The following WDR82 variants were observed in gnomAD, a reference collection of about 807,000 sequenced individuals.
WDR82 encodes WD repeat-containing protein 82.
Under a neutral mutation model 36.1 loss-of-function variants are expected in WDR82, and 8 were observed. The observed-to-expected ratio is 0.22, with a 90% CI of 0.13 to 0.40. The LOEUF (loss-of-function observed/expected upper bound fraction) is 0.40, where lower values mean the gene tolerates loss of function less well. WDR82 is among the 10% of genes least tolerant of loss of function. The pLI, the probability that WDR82 is intolerant of heterozygous loss-of-function variation, is 1.00. For missense variants in WDR82, 185 were observed against 400.5 expected (o/e 0.46, Z 4.59); for synonymous variants, 129 against 137.8 (o/e 0.94, Z 0.45).
At chr3:52,259,631 G>A in intron 6 of WDR82, 86 bp downstream of exon 6, 3 of 1,479,076 alleles carry the variant, frequency 2.0e-6, no homozygotes, top group Non-Finnish European at 1.8e-6. Context: ...AAGAGTAACT[G>A]TTGGTCTCCA....
At chr3:52,269,895 C>G (rs1298995101) in intron 2 of WDR82, among the ~76,000 whole-genome samples, 1 of 152,096 alleles carries the variant, frequency 6.6e-6, no homozygotes, top group African/African-American at 2.4e-5. Context: ...TAGAAAGAAA[C>G]TCACAAGTTC....
At chr3:52,267,315 C>A (rs903171715) in intron 2 of WDR82, 2 of 275,814 alleles carry the variant, frequency 7.3e-6, no homozygotes, top group Non-Finnish European at 1.4e-5. Flanking sequence ...TGCAAATATA[C>A]CCTGGTCAAA....
Position 52,278,324 on chromosome 3 carries a change from AC to A in WDR82, c.37del (p.Val13SerfsTer73). On this transcript the variant is annotated frameshift_variant, in exon 1 of 9. Transcript: ENST00000296490. LOFTEE classifies it high-confidence loss of function. ...LTDSVLRSFR[V>X]AKVFRENSDK... Reference sequence around the variant, plus strand: ...CGAGTTTTCGCGGAACACCTTAGCGACGCGGAAGCTCCGCAACACGCTGTCG... The same window carrying A: ...CGAGTTTTCGCGGAACACCTTAGCGAGCGGAAGCTCCGCAACACGCTGTCG... 1.2e-6 allele frequency: 2 copies of A among 1,600,340 alleles called. No individual in the cohort carries two copies. Among genetic ancestry groups the A allele is most frequent in the Non-Finnish European group, 1.7e-6 (2 of 1,175,088 alleles).
chr3:52,257,174 A>G lies in WDR82; in HGVS notation c.*316T>C, dbSNP rs1303059846. ...TCACCGGCTCCTCAGCAGCATGTAC[A>G]TTCAAATTGAAGATGCTTGAGAGCC... On this transcript the variant is annotated 3_prime_UTR_variant, in exon 9 of 9. Transcript: ENST00000296490. The G allele has an allele frequency of 1.2e-5, 5 of 400,048 alleles. No individual in the cohort carries two copies. Among genetic ancestry groups the G allele is most frequent in the Admixed American group, 8.1e-5 (2 of 24,590 alleles). 24.8% of individuals were successfully genotyped at this position (400,048 alleles called of 1,614,324 possible).
In WDR82 at chr3:52,255,013, A is replaced by T. The variant is rs1435039416; in HGVS notation, c.*2477T>A. ...GCCGGAGTGCAATGGCACGATCTCA[A>T]CTCACCGCAACCTCCGCCTCCTGGG... On this transcript the variant is annotated 3_prime_UTR_variant, in exon 9 of 9. Coordinates refer to ENST00000296490, the MANE Select transcript of WDR82 (RefSeq NM_025222.4). The T allele has an allele frequency of 6.7e-6, 1 of 148,316 alleles. No homozygotes were observed. The highest frequency in any genetic ancestry group is 6.7e-5 in the Admixed American group (1 of 14,928). 9.2% of individuals were successfully genotyped at this position (148,316 alleles called of 1,614,324 possible).
intron 1 of WDR82, among the ~76,000 whole-genome samples, chr3:52,273,334 G>C (rs1329193384): frequency 2.0e-5 from 3 of 151,686 alleles, no homozygotes; most frequent in Non-Finnish European, 2.9e-5. Context: ...GGGAGGCTGA[G>C]GTAGGAGAAT....
intron 3 of WDR82, among the ~76,000 whole-genome samples, chr3:52,265,171 G>A (rs1262390142): frequency 1.3e-5 from 2 of 151,542 alleles, no homozygotes; most frequent in Non-Finnish European, 2.9e-5. Flanking sequence ...TTGGTGGCGG[G>A]TGCCTGTGGT....
At chr3:52,272,625 A>G (rs1234787579) in intron 1 of WDR82, among the ~76,000 whole-genome samples, 1 of 152,320 alleles carries the variant, frequency 6.6e-6, no homozygotes, top group Non-Finnish European at 1.5e-5. Flanking sequence ...TAACTCTCCA[A>G]TACGATCAAC....
chr3:52,278,397 C>T lies in WDR82; in HGVS notation c.-36G>A, dbSNP rs1375124091. 1.6e-5 allele frequency: 21 copies of T among 1,350,944 alleles called. No homozygotes were observed. Among genetic ancestry groups the T allele is most frequent in the Non-Finnish European group, 1.9e-5 (20 of 1,045,678 alleles). The allele number at this position is 1,350,944 out of a possible 1,614,324, so 83.7% of individuals were successfully genotyped here. On this transcript the variant is annotated 5_prime_UTR_variant, in exon 1 of 9. Transcript: ENST00000296490. ...GGGGAAGGCAGCGGCGGCGCAGGGC[C>T]GGGGCGGGGCCCGGCGGCGAGCGGG... is the stretch of plus-strand genomic sequence containing the variant.
chr3:52,264,494 C>T (rs1578007169), intron 3 of WDR82, among the ~76,000 whole-genome samples: 1 of 152,048 alleles, frequency 6.6e-6, no homozygotes, highest in Non-Finnish European at 1.5e-5. Context: ...GCCCCATAGA[C>T]GATTCTGGGA....
intron 3 of WDR82, among the ~76,000 whole-genome samples, chr3:52,262,824 G>A (rs994775645): frequency 3.9e-5 from 6 of 152,188 alleles, no homozygotes; most frequent in Admixed American, 2.6e-4. Flanking sequence ...GAATGCTGAG[G>A]AGGTAATAAA....
At chr3:52,268,460 C>G in intron 2 of WDR82, 1 of 385,284 alleles carries the variant, frequency 2.6e-6, no homozygotes. Flanking sequence ...GGCAGCAAAG[C>G]TACAAGTGCC....
At chr3:52,271,219 C>T (rs1422700593) in intron 1 of WDR82, among the ~76,000 whole-genome samples, 1 of 152,152 alleles carries the variant, frequency 6.6e-6, no homozygotes, top group Non-Finnish European at 1.5e-5. Context: ...TTTTAAATCC[C>T]TTAAACTGTT....
chr3:52,257,608 G>T, intron 8 of WDR82, 89 bp from the exon 9 acceptor site: 1 of 1,550,636 alleles, frequency 6.4e-7, no homozygotes, highest in Non-Finnish European at 8.8e-7. Flanking sequence ...GCAAAAATGT[G>T]CCCAACCCCA....
chr3:52,276,147 G>T (rs1700200863), intron 1 of WDR82, among the ~76,000 whole-genome samples: 1 of 152,076 alleles, frequency 6.6e-6, no homozygotes, highest in Non-Finnish European at 1.5e-5. Flanking sequence ...AACAAGACAG[G>T]ATTTGGCCAG....
intron 2 of WDR82, chr3:52,268,231 G>C (rs1700123106): frequency 2.2e-6 from 1 of 452,772 alleles, no homozygotes; most frequent in African/African-American, 2.0e-5. Context: ...AGATGAGCAG[G>C]GTGACGCCAT....
At position 52,261,470 on chromosome 3, in the gene WDR82, G is replaced by A. The variant is rs750069750; in HGVS notation, c.336C>T (p.Ala112=). ...YFPGHSKRVV[A]LSMSPVDDTF... ...TGTCATCCACAGGTGACATGGACAA[G>A]GCCACCACCCTGCAATACATCGAGA... The change falls in exon 4 of 9, where the codon GCC becomes GCT. Residue 112 remains alanine, a synonymous_variant. Transcript: ENST00000296490. 1 of 1,611,756 alleles carries A rather than the reference G, an allele frequency of 6.2e-7. No homozygotes were observed. Among genetic ancestry groups the A allele is most frequent in the South Asian group, 1.1e-5 (1 of 90,562 alleles).
At chr3:52,277,400 G>T (rs1018616211) in intron 1 of WDR82, among the ~76,000 whole-genome samples, 2 of 151,862 alleles carry the variant, frequency 1.3e-5, no homozygotes, top group Non-Finnish European at 2.9e-5. Flanking sequence ...ATTCAAAGTG[G>T]ACCAAAAAGT....
chr3:52,270,757 T>C lies in WDR82; in HGVS notation c.214A>G (p.Thr72Ala). The change falls in exon 2 of 9, where the codon ACT (threonine) becomes GCT (alanine). Residue 72 changes from threonine to alanine, a missense_variant. Thr to Ala is a moderately conservative substitution (Grantham distance 58, BLOSUM62 0). Coordinates refer to ENST00000296490, the MANE Select transcript of WDR82 (RefSeq NM_025222.4). ...TAAACAACTGTGTTTGCTGCATGAG[T>C]GTATCTGATGAGGTCCACACCATAT... The part of the protein sequence containing the change: ...KKYGVDLIRY[T>A]HAANTVVYSS... 1 of 1,613,532 alleles carries C rather than the reference T, an allele frequency of 6.2e-7. No individual in the cohort carries two copies. Among genetic ancestry groups the C allele is most frequent in the Non-Finnish European group, 8.5e-7 (1 of 1,179,776 alleles).
Sources: gnomAD v4.1 joint callset for allele counts (sites outside exome capture counted in the v4.1 genomes callset) on GRCh38, gnomAD v4.1.1 for gene constraint, MANE v1.5 for transcripts, NCBI Gene and HGNC (gene_info 2026-07-23, HGNC 2026-07-21) for gene names.